GPATCH2L: variants seen among roughly 807,000 people sequenced by gnomAD.
The protein encoded by GPATCH2L is G patch domain-containing protein 2-like.
Under a neutral mutation model 57.4 loss-of-function variants are expected in GPATCH2L, and 31 were observed. That is an observed-to-expected ratio of 0.54 (90% CI 0.41 to 0.73). The LOEUF (loss-of-function observed/expected upper bound fraction) is 0.73. Among genes scored for constraint, GPATCH2L ranks in the 30% least tolerant of loss-of-function variants. The pLI is 0.00. For missense variants in GPATCH2L, 481 were observed against 599.9 expected (o/e 0.80, Z 2.07); for synonymous variants, 199 against 210.7 (o/e 0.94, Z 0.48).
chr14:76,155,592 T>C (rs1306497640), intron 2 of GPATCH2L, among the ~76,000 whole-genome samples: 2 of 152,196 alleles, frequency 1.3e-5, no homozygotes, highest in South Asian at 2.1e-4. Flanking sequence ...AAAATAACAG[T>C]ACCGAGTCCC....
chr14:76,173,587 C>A lies in GPATCH2L; in HGVS notation c.946C>A (p.Arg316=). Residue 316 remains arginine (R), a synonymous_variant, in exon 5 of 10, where the codon CGA becomes AGA. Transcript: ENST00000261530. ...GAATCGTCTACCTGGAGCTGCAGCT[C>A]GATGCCTCAGAAAGGGGCGAAGAAG... ...RLNRLPGAAA[R]CLRKGRRRLV... is the part of the protein sequence containing the mutation. 1 of 1,613,336 alleles carries A rather than the reference C, an allele frequency of 6.2e-7. No individual in the cohort carries two copies. Among genetic ancestry groups the A allele is most frequent in the East Asian group, 2.2e-5 (1 of 44,864 alleles).
chr14:76,168,131 A>G (rs769081276), intron 3 of GPATCH2L, among the ~76,000 whole-genome samples: 151 of 152,344 alleles, frequency 9.9e-4, no homozygotes, highest in Non-Finnish European at 1.8e-3. Context: ...ACGTAAAGCT[A>G]TGGGATTTCT....
intron 8 of GPATCH2L, among the ~76,000 whole-genome samples, chr14:76,183,621 T>G (rs1289145974): frequency 6.6e-6 from 1 of 152,232 alleles, no homozygotes; most frequent in Non-Finnish European, 1.5e-5. Flanking sequence ...CAACCACTGC[T>G]TCATGGGAAA....
rs559565961 is a variant in GPATCH2L at position 76,206,054 on chromosome 14, C to G, written c.*4203C>G. 1 of 152,450 alleles carries G rather than the reference C, an allele frequency of 6.6e-6. No homozygotes were observed. Among genetic ancestry groups the G allele is most frequent in the Non-Finnish European group, 1.5e-5 (1 of 68,120 alleles). 9.4% of individuals were successfully genotyped at this position (152,450 alleles called of 1,614,324 possible). On this transcript the variant is annotated 3_prime_UTR_variant, in exon 10 of 10. Coordinates refer to ENST00000261530, the MANE Select transcript of GPATCH2L (RefSeq NM_017926.4). ...GGCTTGGAGGACGTCATGGTTCATG[C>G]GATGGTTGGAGGGATGGTAAAAGCA...
At chr14:76,178,828 C>G (rs1204525182) in intron 7 of GPATCH2L, 1 of 152,348 alleles carries the variant, frequency 6.6e-6, no homozygotes, top group African/African-American at 2.4e-5. Flanking sequence ...GCCTTAGAGC[C>G]TCTCCTTCTT....
At chr14:76,166,180 G>A (rs1026749928) in intron 2 of GPATCH2L, among the ~76,000 whole-genome samples, 13 of 152,190 alleles carry the variant, frequency 8.5e-5, no homozygotes, top group African/African-American at 2.9e-4. Context: ...AGTAAATTCA[G>A]AAAACATAAG....
At chr14:76,175,052 G>A (rs1460919817) in intron 5 of GPATCH2L, 1 of 152,198 alleles carries the variant, frequency 6.6e-6, no homozygotes. Context: ...TTGTTAACAG[G>A]GATAGCTAGC....
chr14:76,154,808 G>T lies in GPATCH2L; in HGVS notation c.445G>T (p.Val149Leu), dbSNP rs1417309151. Residue 149 changes from valine to leucine, a missense_variant, in exon 2 of 10, where the codon GTG becomes TTG. By Grantham distance (32) the Val-to-Leu change is conservative. This residue lies in a region of GPATCH2L where 208 missense variants were observed against 272.4 expected (regional missense o/e 0.76). Transcript: ENST00000261530. The surrounding 1 kb of genome is among the most constrained non-coding windows in gnomAD (Gnocchi z 4.4). ...VAASLQQKLK[V>L]SDWSYERGCR... ...TGCTAGCCTTCAGCAGAAGCTGAAG[G>T]TGTCAGATTGGAGCTATGAGAGAGG... 5.0e-6 allele frequency: 8 copies of T among 1,614,246 alleles called. No homozygotes were observed. The highest frequency in any genetic ancestry group is 6.8e-6 in the Non-Finnish European group (8 of 1,180,034).
At chr14:76,185,181 G>A (rs1169617224) in intron 8 of GPATCH2L, among the ~76,000 whole-genome samples, 1 of 152,184 alleles carries the variant, frequency 6.6e-6, no homozygotes, top group Non-Finnish European at 1.5e-5. Context: ...TGTTGGCTGG[G>A]TGTGTAGATG....
In GPATCH2L at chr14:76,213,529, G is replaced by A. The variant is rs2040464796; in HGVS notation, c.*11678G>A. 1 of 152,050 alleles carries A rather than the reference G, an allele frequency of 6.6e-6. No individual in the cohort carries two copies. Among genetic ancestry groups the A allele is most frequent in the South Asian group, 2.1e-4 (1 of 4,814 alleles). 9.4% of individuals were successfully genotyped at this position (152,050 alleles called of 1,614,324 possible). A position where few individuals can be genotyped will look rare whatever the true frequency, so the allele number is the denominator to read the frequency against. ...AGCATGGAATGGAATTTATTGTAAA[G>A]ACGTGTATTTTATAGAATCCAAGCA... On this transcript the variant is annotated 3_prime_UTR_variant, in exon 10 of 10. Coordinates refer to ENST00000261530, the MANE Select transcript of GPATCH2L (RefSeq NM_017926.4).
chr14:76,198,987 A>G (rs113476716), intron 9 of GPATCH2L, among the ~76,000 whole-genome samples: 1 of 152,218 alleles, frequency 6.6e-6, no homozygotes. Context: ...CTCAGGAGTC[A>G]TAGGGCAAAT....
At chr14:76,200,737 A>G (rs2040290232) in intron 9 of GPATCH2L, among the ~76,000 whole-genome samples, 1 of 152,242 alleles carries the variant, frequency 6.6e-6, no homozygotes, top group Non-Finnish European at 1.5e-5. Flanking sequence ...GAGTAAAAAA[A>G]GTAATGGCCA....
intron 9 of GPATCH2L, 65 bp downstream of exon 9, chr14:76,196,037 T>C: frequency 8.8e-7 from 1 of 1,138,410 alleles, no homozygotes; most frequent in Non-Finnish European, 1.3e-6. Flanking sequence ...TTATGTGTTT[T>C]GTATACCTTT....
downstream of GPATCH2L, among the ~76,000 whole-genome samples, chr14:76,219,024 G>GAAAAAAAA (rs1555384464): frequency 7.3e-6 from 1 of 137,482 alleles, no homozygotes; most frequent in Non-Finnish European, 1.6e-5. Flanking sequence ...AAAAAAAAAG[G>GAAAAAAAA]AAAGTTATTT....
downstream of GPATCH2L, among the ~76,000 whole-genome samples, chr14:76,216,331 C>T (rs1211353489): frequency 6.6e-6 from 1 of 152,128 alleles, no homozygotes; most frequent in South Asian, 2.1e-4. Context: ...CAAAATACTG[C>T]ATGAGGAAAT....
At chr14:76,189,737 T>C (rs1401016927) in intron 8 of GPATCH2L, among the ~76,000 whole-genome samples, 1 of 152,136 alleles carries the variant, frequency 6.6e-6, no homozygotes, top group Non-Finnish European at 1.5e-5. Context: ...CAGTCCTAAA[T>C]TGAGTAACAG....
At chr14:76,173,850 C>T (rs75230612) in intron 5 of GPATCH2L, 88,635 of 515,664 alleles carry the variant, frequency 0.17, 8,701 homozygotes, top group African/African-American at 0.31. Context: ...AAAAAAAAAA[C>T]ACTGTCATTA....
intron 2 of GPATCH2L, among the ~76,000 whole-genome samples, chr14:76,230,865 G>A (rs12587561): frequency 0.81 from 122,875 of 152,218 alleles, 49,745 homozygotes; most frequent in Admixed American, 0.84. Flanking sequence ...TGTATTACCC[G>A]TTTCATGGTA....
chr14:76,168,344 G>A (rs2038938043), intron 3 of GPATCH2L, among the ~76,000 whole-genome samples: 1 of 152,224 alleles, frequency 6.6e-6, no homozygotes, highest in Non-Finnish European at 1.5e-5. Flanking sequence ...CCAAAGGGAG[G>A]GAGGTGAGTG....
Sources: gnomAD v4.1 joint callset for allele counts (sites outside exome capture counted in the v4.1 genomes callset) on GRCh38, gnomAD v4.1.1 for gene constraint, gnomAD v4.1.1 regional missense constraint, Gnocchi (gnomAD v3.1) non-coding constraint, MANE v1.5 for transcripts, NCBI Gene and HGNC (gene_info 2026-07-23, HGNC 2026-07-21) for gene names.